The following IPCEF1 variants were observed in gnomAD, a reference collection of about 807,000 sequenced individuals.
The protein encoded by IPCEF1 is interaction protein for cytohesin exchange factors 1, also known as interactor protein for cytohesin exchange factors 1.
A neutral mutation model predicts 50.9 loss-of-function variants in IPCEF1; 31 were observed. The observed-to-expected ratio is 0.61, with a 90% CI of 0.46 to 0.82. The LOEUF is 0.82. Among genes scored for constraint, IPCEF1 ranks in the 40% least tolerant of loss-of-function variants. The pLI, the probability that IPCEF1 is intolerant of heterozygous loss-of-function variation, is 0.00. For missense variants in IPCEF1, 458 were observed against 514.0 expected, an observed-to-expected ratio of 0.89 and a Z score of 1.05; for synonymous variants, 181 against 192.0, an observed-to-expected ratio of 0.94 and a Z score of 0.47.
intron 5 of IPCEF1, among the ~76,000 whole-genome samples, chr6:154,242,389 T>C (rs1780666801): frequency 6.6e-6 from 1 of 152,158 alleles, no homozygotes; most frequent in South Asian, 2.1e-4. Flanking sequence ...TTCTTGAAAT[T>C]CCCATGGGCA....
chr6:154,337,862 A>C (rs1345951725), intron 1 of IPCEF1, among the ~76,000 whole-genome samples: 3 of 152,160 alleles, frequency 2.0e-5, no homozygotes, highest in Non-Finnish European at 4.4e-5. Flanking sequence ...TCAGTGACAT[A>C]TCCATACCAC....
At chr6:154,349,613 A>G (rs1251048788) in intron 1 of IPCEF1, among the ~76,000 whole-genome samples, 2 of 152,032 alleles carry the variant, frequency 1.3e-5, no homozygotes, top group South Asian at 2.1e-4. Context: ...TTCAGTCTCT[A>G]TTAATATATG....
chr6:154,171,853 T>C (rs1472389440), intron 10 of IPCEF1, among the ~76,000 whole-genome samples: 1 of 152,192 alleles, frequency 6.6e-6, no homozygotes, highest in Non-Finnish European at 1.5e-5. Context: ...CATGTCCTTT[T>C]ACTTTTTAAA....
intron 1 of IPCEF1, among the ~76,000 whole-genome samples, chr6:154,329,192 A>C (rs1783596188): frequency 6.6e-6 from 1 of 152,156 alleles, no homozygotes; most frequent in Non-Finnish European, 1.5e-5. Context: ...GGGGAGAATC[A>C]CTTGAGGCCA....
intron 1 of IPCEF1, among the ~76,000 whole-genome samples, chr6:154,354,996 TCACACACACACA>T (rs56281024): frequency 0.062 from 9,103 of 147,414 alleles, 895 homozygotes; most frequent in African/African-American, 0.21. Flanking sequence ...GGATTTTTCT[TCACACACACACA>T]CACACACACA....
At chr6:154,256,335 G>A (rs1010916752) in intron 3 of IPCEF1, among the ~76,000 whole-genome samples, 1 of 152,078 alleles carries the variant, frequency 6.6e-6, no homozygotes, top group Non-Finnish European at 1.5e-5. Flanking sequence ...AACTCTCAAA[G>A]GTTCCGCCTC....
chr6:154,317,643 C>CAG (rs1783258267), intron 1 of IPCEF1, among the ~76,000 whole-genome samples: 1 of 140,516 alleles, frequency 7.1e-6, no homozygotes, highest in Non-Finnish European at 1.5e-5. Flanking sequence ...CAGTGCTCAA[C>CAG]ATAGTGAATC....
chr6:154,295,040 T>C (rs529102899), intron 1 of IPCEF1, among the ~76,000 whole-genome samples: 5 of 152,076 alleles, frequency 3.3e-5, no homozygotes, highest in Admixed American at 6.5e-5. Flanking sequence ...CTACTAAAAA[T>C]ACAAAAAATT....
At chr6:154,246,530 G>A (rs965542465) in intron 5 of IPCEF1, 61 bp downstream of exon 5, 12 of 1,521,646 alleles carry the variant, frequency 7.9e-6, no homozygotes, top group Non-Finnish European at 1.1e-5. Context: ...GGGATCACCT[G>A]ATGCCTTTAA....
At chr6:154,181,808 C>T (rs568873426) in intron 10 of IPCEF1, among the ~76,000 whole-genome samples, 67 of 152,258 alleles carry the variant, frequency 4.4e-4, no homozygotes, top group African/African-American at 1.6e-3. Context: ...AGATTACCTT[C>T]TTGGGGACTT....
chr6:154,332,858 G>A (rs1385974296), intron 1 of IPCEF1, among the ~76,000 whole-genome samples: 2 of 152,192 alleles, frequency 1.3e-5, no homozygotes, highest in African/African-American at 4.8e-5. Flanking sequence ...GTAAAAATAT[G>A]TGTGATTGGA....
At chr6:154,326,788 G>A (rs1046666020) in intron 1 of IPCEF1, among the ~76,000 whole-genome samples, 2 of 152,168 alleles carry the variant, frequency 1.3e-5, no homozygotes, top group Admixed American at 1.3e-4. Flanking sequence ...CAAAGCTGGA[G>A]ACATTATGTT....
chr6:154,191,543 G>A (rs923655726), intron 10 of IPCEF1, among the ~76,000 whole-genome samples: 6 of 152,000 alleles, frequency 3.9e-5, no homozygotes, highest in East Asian at 1.9e-4. Flanking sequence ...GCATGGTGGC[G>A]AGCGCCTATA....
At chr6:154,247,728 T>A in intron 3 of IPCEF1, 1 of 409,178 alleles carries the variant, frequency 2.4e-6, no homozygotes, top group Non-Finnish European at 4.4e-6. Context: ...TCACTGATGT[T>A]TCCTGTTCCC....
At chr6:154,282,425 G>A (rs1273767632) in intron 2 of IPCEF1, among the ~76,000 whole-genome samples, 2 of 152,206 alleles carry the variant, frequency 1.3e-5, no homozygotes, top group African/African-American at 2.4e-5. Context: ...GCTCACGCCT[G>A]TAATCCCAGC....
At chr6:154,307,657 C>G (rs1382213569) in intron 1 of IPCEF1, among the ~76,000 whole-genome samples, 1 of 152,178 alleles carries the variant, frequency 6.6e-6, no homozygotes, top group South Asian at 2.1e-4. Context: ...TCTCTTTCAT[C>G]AAATTATAAT....
chr6:154,245,480 A>C (rs1179972095), intron 5 of IPCEF1, among the ~76,000 whole-genome samples: 2 of 152,220 alleles, frequency 1.3e-5, no homozygotes, highest in Non-Finnish European at 2.9e-5. Flanking sequence ...GTGAGCAACG[A>C]AAATTGATTA....
chr6:154,337,721 G>C (rs1468141881), intron 1 of IPCEF1, among the ~76,000 whole-genome samples: 1 of 152,214 alleles, frequency 6.6e-6, no homozygotes, highest in Non-Finnish European at 1.5e-5. Context: ...AAGAAACAAA[G>C]CTATTTTCAC....
chr6:154,208,114 A>G (rs1273909483), intron 9 of IPCEF1, among the ~76,000 whole-genome samples: 1 of 152,138 alleles, frequency 6.6e-6, no homozygotes, highest in Non-Finnish European at 1.5e-5. Flanking sequence ...AGTTGATTAT[A>G]TCCCTCCTCT....
Sources: gnomAD v4.1 joint callset for allele counts (sites outside exome capture counted in the v4.1 genomes callset) on GRCh38, gnomAD v4.1.1 for gene constraint, MANE v1.5 for transcripts, NCBI Gene and HGNC (gene_info 2026-07-23, HGNC 2026-07-21) for gene names.